The following BNC2 variants were observed in gnomAD, a reference collection of about 807,000 sequenced individuals.
The protein encoded by BNC2 is basonuclin zinc finger protein 2.
In BNC2, 20 loss-of-function variants were observed where a neutral mutation model predicts 76.3. The observed-to-expected ratio is 0.26, with a 90% CI of 0.18 to 0.38. The LOEUF (loss-of-function observed/expected upper bound fraction) is 0.38. Ranked by LOEUF, BNC2 falls within the 10% of genes least tolerant of loss-of-function variation. The pLI, the probability that BNC2 is intolerant of heterozygous loss-of-function variation, is 1.00. For missense variants in BNC2, 1,382 were observed against 1,399.8 expected (o/e 0.99, Z 0.20); for synonymous variants, 582 against 514.8 (o/e 1.13, Z -1.77).
At chr9:16,619,371 C>T (rs1401549051) in intron 3 of BNC2, among the ~76,000 whole-genome samples, 1 of 151,944 alleles carries the variant, frequency 6.6e-6, no homozygotes, top group African/African-American at 2.4e-5. Context: ...ACCCTTCTGG[C>T]ACAGCAGGCT....
At chr9:16,819,092 T>C (rs1032718877) in intron 1 of BNC2, among the ~76,000 whole-genome samples, 2 of 152,200 alleles carry the variant, frequency 1.3e-5, no homozygotes, top group African/African-American at 4.8e-5. Flanking sequence ...AACTGAGTCA[T>C]GAATTAAGAA....
intron 1 of BNC2, among the ~76,000 whole-genome samples, chr9:16,785,345 A>G (rs1246986921): frequency 3.9e-5 from 6 of 152,154 alleles, no homozygotes; most frequent in Admixed American, 3.9e-4. Flanking sequence ...GGCCACGGGG[A>G]AAGTAAGGGG....
At chr9:16,573,652 G>C (rs1373112356) in intron 4 of BNC2, among the ~76,000 whole-genome samples, 1 of 152,142 alleles carries the variant, frequency 6.6e-6, no homozygotes, top group Non-Finnish European at 1.5e-5. Flanking sequence ...AGGCCCATGA[G>C]GTCAAAGTGG....
At chr9:16,643,630 GCTTT>G (rs1261437722) in intron 3 of BNC2, among the ~76,000 whole-genome samples, 1 of 151,908 alleles carries the variant, frequency 6.6e-6, no homozygotes, top group African/African-American at 2.4e-5. Context: ...AGAATTCTTT[GCTTT>G]TTTTGCATGA....
chr9:16,470,641 C>T (rs1469413639), intron 5 of BNC2, among the ~76,000 whole-genome samples: 6 of 152,212 alleles, frequency 3.9e-5, no homozygotes, highest in Non-Finnish European at 8.8e-5. Flanking sequence ...GGCCAACATA[C>T]AGCTTGGGCT....
At chr9:16,867,245 G>C (rs955109107) in intron 1 of BNC2, 15 of 152,108 alleles carry the variant, frequency 9.9e-5, no homozygotes, top group Non-Finnish European at 1.6e-4. Flanking sequence ...TTCATGAACT[G>C]TATCTGTGGG....
At chr9:16,453,663 T>G (rs1160857618) in intron 5 of BNC2, among the ~76,000 whole-genome samples, 1 of 152,098 alleles carries the variant, frequency 6.6e-6, no homozygotes, top group African/African-American at 2.4e-5. Context: ...AAAATAAACC[T>G]CAGCCGGGCC....
intron 5 of BNC2, among the ~76,000 whole-genome samples, chr9:16,513,307 T>A (rs1177223913): frequency 1.8e-5 from 2 of 110,602 alleles, no homozygotes; most frequent in African/African-American, 7.8e-5. Context: ...TTCTTTTTTT[T>A]TTTTTTTTTT....
At chr9:16,442,749 G>T (rs183011669) in intron 5 of BNC2, among the ~76,000 whole-genome samples, 1 of 152,172 alleles carries the variant, frequency 6.6e-6, no homozygotes, top group East Asian at 1.9e-4. Flanking sequence ...AAGAATGGAA[G>T]TGAGGAAGAA....
intron 5 of BNC2, among the ~76,000 whole-genome samples, chr9:16,479,367 T>C (rs1821997919): frequency 6.6e-6 from 1 of 152,162 alleles, no homozygotes; most frequent in Admixed American, 6.5e-5. Context: ...ATGTGTGTGT[T>C]TCAGACCACT....
At chr9:16,656,140 C>A (rs1821923699) in intron 3 of BNC2, among the ~76,000 whole-genome samples, 1 of 152,140 alleles carries the variant, frequency 6.6e-6, no homozygotes, top group Non-Finnish European at 1.5e-5. Flanking sequence ...CACAGTGTAG[C>A]ACAAAGAATT....
At chr9:16,569,102 C>G (rs1198740722) in intron 4 of BNC2, among the ~76,000 whole-genome samples, 1 of 144,052 alleles carries the variant, frequency 6.9e-6, no homozygotes, top group Non-Finnish European at 1.5e-5. Context: ...CCCTTATGTA[C>G]AAAGGGTTTT....
At chr9:16,835,134 A>G (rs1818672635) in intron 1 of BNC2, among the ~76,000 whole-genome samples, 1 of 152,230 alleles carries the variant, frequency 6.6e-6, no homozygotes, top group Admixed American at 6.5e-5. Flanking sequence ...ACACAAATAG[A>G]GAAACAATTC....
At chr9:16,765,977 C>A (rs919463113) in intron 1 of BNC2, among the ~76,000 whole-genome samples, 35 of 151,876 alleles carry the variant, frequency 2.3e-4, no homozygotes, top group African/African-American at 7.3e-4. Flanking sequence ...TTAGTAGAGA[C>A]GGGATTTCAC....
At chr9:16,611,409 T>C (rs2133430058) in intron 3 of BNC2, among the ~76,000 whole-genome samples, 1 of 152,280 alleles carries the variant, frequency 6.6e-6, no homozygotes, top group Non-Finnish European at 1.5e-5. Context: ...ACAAATGCCA[T>C]TTTTAAATGA....
intron 3 of BNC2, among the ~76,000 whole-genome samples, chr9:16,591,374 A>G (rs1046636234): frequency 2.6e-5 from 4 of 152,192 alleles, no homozygotes; most frequent in Non-Finnish European, 5.9e-5. Context: ...AAAAGGAGAC[A>G]AGGAAGAGGT....
chr9:16,419,751 A>G (rs1820672949), intron 6 of BNC2, 102 bp from the exon 7 acceptor site: 5 of 782,002 alleles, frequency 6.4e-6, no homozygotes, highest in Non-Finnish European at 8.8e-6. Context: ...CTAGGTATCA[A>G]ATAAGCACAT....
At chr9:16,660,174 G>A (rs1447581196) in intron 3 of BNC2, among the ~76,000 whole-genome samples, 1 of 152,178 alleles carries the variant, frequency 6.6e-6, no homozygotes, top group African/African-American at 2.4e-5. Context: ...CATCTTTGGG[G>A]CCGGGCGCGG....
In BNC2 at chr9:16,537,861, C is replaced by A. The variant is rs1194738497; in HGVS notation, c.669+14669G>T. 2.0e-4 allele frequency among the ~76,000 whole-genome samples: 30 copies of A among 152,182 alleles called. 1 individual carries two copies. Among genetic ancestry groups the A allele is most frequent in the Admixed American group, 2.0e-3 (30 of 15,284 alleles). ...CAAGTGAATAAATCATACGTGAAAACCCTATACTATAGCATTCTTTTATAA... is the reference window on the plus strand; with the variant it reads ...CAAGTGAATAAATCATACGTGAAAAACCTATACTATAGCATTCTTTTATAA... On this transcript the variant is annotated intron_variant, in intron 5 of 6. Transcript: ENST00000380672.
Sources: allele counts gnomAD v4.1 joint callset (sites outside exome capture counted in the v4.1 genomes callset), GRCh38; gene constraint gnomAD v4.1.1; transcripts MANE v1.5; gene names NCBI Gene and HGNC (gene_info 2026-07-23, HGNC 2026-07-21).